CMTM8: variants seen among roughly 807,000 people sequenced by gnomAD.
The protein encoded by CMTM8 is CKLF like MARVEL transmembrane domain containing 8, also known as CKLF-like MARVEL transmembrane domain-containing protein 8.
CMTM8 carries 12 observed loss-of-function variants against 18.6 expected under a neutral mutation model. That is an observed-to-expected ratio of 0.65 (90% CI 0.41 to 1.05). The LOEUF is 1.05. CMTM8 is among the 50% of genes least tolerant of loss of function. CMTM8 has a pLI of 0.00. For synonymous variants in CMTM8, 87 were observed against 90.6 expected (o/e 0.96, Z 0.23); for missense variants, 217 against 227.2 (o/e 0.95, Z 0.29).
At chr3:32,243,037 C>T (rs1324501510) in intron 1 of CMTM8, among the ~76,000 whole-genome samples, 3 of 151,516 alleles carry the variant, frequency 2.0e-5, no homozygotes, top group East Asian at 2.0e-4. Flanking sequence ...GGATTATAGG[C>T]GTGCACCACC....
intron 2 of CMTM8, among the ~76,000 whole-genome samples, chr3:32,363,392 T>C (rs976794771): frequency 2.0e-5 from 3 of 152,208 alleles, no homozygotes; most frequent in South Asian, 2.1e-4. Context: ...AGGGTACTTC[T>C]TCCCTTTAAG....
At chr3:32,319,942 A>G (rs1696010052) in intron 1 of CMTM8, among the ~76,000 whole-genome samples, 1 of 152,190 alleles carries the variant, frequency 6.6e-6, no homozygotes, top group South Asian at 2.1e-4. Context: ...TTTGAGGCCC[A>G]TGAGTATTTT....
intron 1 of CMTM8, among the ~76,000 whole-genome samples, chr3:32,307,598 T>A (rs1695741837): frequency 2.0e-5 from 3 of 152,118 alleles, no homozygotes; most frequent in Admixed American, 2.0e-4. Context: ...TGTGTAGGTA[T>A]GTAGCTTGAA....
intron 1 of CMTM8, among the ~76,000 whole-genome samples, chr3:32,312,726 G>A (rs1038313124): frequency 6.6e-5 from 10 of 151,674 alleles, no homozygotes; most frequent in African/African-American, 1.9e-4. Flanking sequence ...TTGGGATGTC[G>A]GGCTGAAGGT....
rs11391716 is a variant in CMTM8, at chr3:32,274,299, C to CAA, written c.147+35194_147+35195dup. ...CACTCCAGCCTGGGTGACCCTGTCT[C>CAA]AAAAAAAAAAAAAAATTTCATGTTT... On this transcript the variant is annotated intron_variant, in intron 1 of 3. Transcript: ENST00000307526. Among the ~76,000 whole-genome samples the CAA allele has an allele frequency of 6.5e-3, 877 of 135,066 alleles. 7 individuals are homozygous for CAA. Among genetic ancestry groups the CAA allele is most frequent in the African/African-American group, 0.014 (503 of 36,870 alleles). 88.6% of individuals were successfully genotyped at this position (135,066 alleles called of 152,430 possible). A position where few individuals can be genotyped will look rare whatever the true frequency, so the allele number is the denominator to read the frequency against.
chr3:32,281,907 C>T (rs1338855181), intron 1 of CMTM8, among the ~76,000 whole-genome samples: 1 of 151,610 alleles, frequency 6.6e-6, no homozygotes, highest in African/African-American at 2.4e-5. Context: ...TGGATGTGTA[C>T]CTCATCTTCT....
At chr3:32,254,260 A>T (rs1702149352) in intron 1 of CMTM8, among the ~76,000 whole-genome samples, 1 of 152,204 alleles carries the variant, frequency 6.6e-6, no homozygotes, top group African/African-American at 2.4e-5. Flanking sequence ...AAAATGAACA[A>T]TTGAGTGGCA....
intron 1 of CMTM8, among the ~76,000 whole-genome samples, chr3:32,309,366 G>A (rs1351963530): frequency 6.9e-6 from 1 of 144,412 alleles, no homozygotes; most frequent in African/African-American, 2.6e-5. Context: ...GGAGTGCAGT[G>A]GTACAATCTC....
At chr3:32,303,437 G>A (rs551466132) in intron 1 of CMTM8, among the ~76,000 whole-genome samples, 44 of 152,256 alleles carry the variant, frequency 2.9e-4, no homozygotes, top group Non-Finnish European at 5.9e-4. Flanking sequence ...CAAATGTGTT[G>A]GTTTAGATTC....
chr3:32,282,600 C>T (rs1251121768), intron 1 of CMTM8, among the ~76,000 whole-genome samples: 1 of 152,202 alleles, frequency 6.6e-6, no homozygotes, highest in Non-Finnish European at 1.5e-5. Flanking sequence ...GCTGATTTCC[C>T]TGCCTATAAC....
chr3:32,331,711 A>G (rs996043629), intron 1 of CMTM8, among the ~76,000 whole-genome samples: 1 of 152,246 alleles, frequency 6.6e-6, no homozygotes, highest in East Asian at 1.9e-4. Flanking sequence ...AGCCTAAAAA[A>G]GGAAATTCTG....
chr3:32,253,633 G>A (rs916149609), intron 1 of CMTM8, among the ~76,000 whole-genome samples: 7 of 152,054 alleles, frequency 4.6e-5, no homozygotes, highest in Non-Finnish European at 8.8e-5. Context: ...GATTACAGGC[G>A]TGAGCCACCA....
intron 1 of CMTM8, among the ~76,000 whole-genome samples, chr3:32,292,381 C>G (rs1402689670): frequency 6.6e-6 from 1 of 152,202 alleles, no homozygotes; most frequent in Non-Finnish European, 1.5e-5. Flanking sequence ...GGAAACCCAG[C>G]TGAGTCTTGA....
intron 1 of CMTM8, among the ~76,000 whole-genome samples, chr3:32,293,075 GTGTATATATATATA>G (rs1702809103): frequency 8.6e-6 from 1 of 116,946 alleles, no homozygotes; most frequent in Non-Finnish European, 1.8e-5. Flanking sequence ...ATATATGTGT[GTGTATATATATATA>G]TATATATATT....
chr3:32,283,009 C>T (rs1348357018), intron 1 of CMTM8, among the ~76,000 whole-genome samples: 1 of 111,344 alleles, frequency 9.0e-6, no homozygotes, highest in Non-Finnish European at 2.1e-5. Context: ...GATGTATGTA[C>T]TGTTTTTTTG....
At chr3:32,294,660 A>G (rs1050543047) in intron 1 of CMTM8, among the ~76,000 whole-genome samples, 1 of 152,152 alleles carries the variant, frequency 6.6e-6, no homozygotes, top group Non-Finnish European at 1.5e-5. Context: ...GCATTTAATA[A>G]ACATCAGCTC....
intron 1 of CMTM8, among the ~76,000 whole-genome samples, chr3:32,245,184 A>ACCC: frequency 6.6e-6 from 1 of 152,260 alleles, no homozygotes; most frequent in Middle Eastern, 3.4e-3. Context: ...AGATATACCT[A>ACCC]CCCCCAGAAA....
intron 1 of CMTM8, among the ~76,000 whole-genome samples, chr3:32,251,888 G>A (rs890415780): frequency 8.6e-5 from 13 of 151,656 alleles, no homozygotes; most frequent in African/African-American, 2.9e-4. Context: ...TCAGGAGTTC[G>A]AGACTAGTCT....
At chr3:32,250,235 C>A (rs1702095489) in intron 1 of CMTM8, among the ~76,000 whole-genome samples, 1 of 152,208 alleles carries the variant, frequency 6.6e-6, no homozygotes. Flanking sequence ...ATGCACATCT[C>A]TACTCTTATG....
Sources: allele counts gnomAD v4.1 joint callset (sites outside exome capture counted in the v4.1 genomes callset), GRCh38; gene constraint gnomAD v4.1.1; transcripts MANE v1.5; gene names NCBI Gene and HGNC (gene_info 2026-07-23, HGNC 2026-07-21).